The following PRKG1 variants were observed in gnomAD, a reference collection of about 807,000 sequenced individuals.
PRKG1 encodes the protein cGMP-dependent protein kinase 1.
PRKG1 carries 35 observed loss-of-function variants against 88.1 expected under a neutral mutation model. That is an observed-to-expected ratio of 0.40 (90% CI 0.30 to 0.53). PRKG1 has a LOEUF of 0.53. Ranked by LOEUF, PRKG1 falls within the 20% of genes least tolerant of loss-of-function variation. The pLI, the probability that PRKG1 is intolerant of heterozygous loss-of-function variation, is 0.59. For synonymous variants in PRKG1, 303 were observed against 292.5 expected (o/e 1.04, Z -0.37); for missense variants, 540 against 839.8 (o/e 0.64, Z 4.41).
At chr10:51,496,253 A>T (rs1840850455) in intron 3 of PRKG1, among the ~76,000 whole-genome samples, 1 of 152,170 alleles carries the variant, frequency 6.6e-6, no homozygotes, top group African/African-American at 2.4e-5. Context: ...GGAAGAATAG[A>T]GAGGTTCATT....
intron 2 of PRKG1, among the ~76,000 whole-genome samples, chr10:51,178,708 T>G (rs1460151353): frequency 6.6e-6 from 1 of 152,132 alleles, no homozygotes; most frequent in East Asian, 1.9e-4. Context: ...GTTTATACTG[T>G]GGTGGAAGTT....
chr10:51,606,334 C>T (rs77206664), intron 3 of PRKG1, among the ~76,000 whole-genome samples: 2,459 of 152,306 alleles, frequency 0.016, 27 homozygotes, highest in Non-Finnish European at 0.024. Context: ...AAACTGGTAA[C>T]TCTTTCTGAG....
intron 7 of PRKG1, among the ~76,000 whole-genome samples, chr10:52,068,876 C>G (rs954284239): frequency 1.3e-5 from 2 of 152,212 alleles, no homozygotes; most frequent in African/African-American, 4.8e-5. Flanking sequence ...GTCATAGCTT[C>G]TGGTTCTCTG....
intron 3 of PRKG1, among the ~76,000 whole-genome samples, chr10:51,687,279 A>G (rs1418322309): frequency 6.6e-6 from 1 of 152,244 alleles, no homozygotes; most frequent in Non-Finnish European, 1.5e-5. Flanking sequence ...ACCATTTCCA[A>G]TACATTTACT....
At position 51,566,800 on chromosome 10, in the gene PRKG1, T is replaced by C. The variant is rs112954301; in HGVS notation, c.592+98964T>C. On this transcript the variant is annotated intron_variant, in intron 3 of 17. Transcript: ENST00000373980. Reference sequence around the variant, plus strand: ...ATATGGAAATGAGAAGCAGTCATTGTCCTGTGATCACTGATTGTTCTTTTA... The same window carrying C: ...ATATGGAAATGAGAAGCAGTCATTGCCCTGTGATCACTGATTGTTCTTTTA... Among the ~76,000 whole-genome samples the C allele has an allele frequency of 5.2e-3, 791 of 152,140 alleles. 8 individuals carry two copies. Among genetic ancestry groups the C allele is most frequent in the African/African-American group, 0.018 (755 of 41,534 alleles).
intron 1 of PRKG1, among the ~76,000 whole-genome samples, chr10:51,132,013 G>T (rs950060296): frequency 6.6e-6 from 1 of 151,992 alleles, no homozygotes; most frequent in African/African-American, 2.4e-5. Context: ...AAGCTTAAAA[G>T]AATCTATTCC....
intron 3 of PRKG1, among the ~76,000 whole-genome samples, chr10:51,627,935 TTC>T (rs1564579564): frequency 0.052 from 1,322 of 25,340 alleles, 39 homozygotes; most frequent in Middle Eastern, 0.11. Context: ...CCTTTCTTCC[TTC>T]CTTCCTTTCT....
intron 2 of PRKG1, among the ~76,000 whole-genome samples, chr10:51,229,238 C>A (rs935521514): frequency 6.6e-6 from 1 of 152,110 alleles, no homozygotes; most frequent in Non-Finnish European, 1.5e-5. Flanking sequence ...GGTAAAGCAC[C>A]ATACCTGGCA....
chr10:51,092,641 T>C (rs569274388), intron 1 of PRKG1, among the ~76,000 whole-genome samples: 2 of 152,322 alleles, frequency 1.3e-5, no homozygotes, highest in South Asian at 4.1e-4. Context: ...AATCTGTTGC[T>C]TATTCAGCAG....
chr10:51,149,749 C>T (rs1846020603), intron 1 of PRKG1, among the ~76,000 whole-genome samples: 1 of 152,012 alleles, frequency 6.6e-6, no homozygotes, highest in Non-Finnish European at 1.5e-5. Flanking sequence ...GTAAGATCTG[C>T]TTGTTAATTT....
rs902311842 is a variant in PRKG1 at position 51,199,938 on chromosome 10, G to C, written c.478+46608G>C. ...CACTCCTCAAGTGACCCTAATGCAAGAGAGCTGTTTCTTCTTGGATTCTCT... is the reference window on the plus strand; with the variant it reads ...CACTCCTCAAGTGACCCTAATGCAACAGAGCTGTTTCTTCTTGGATTCTCT... On this transcript the variant is annotated intron_variant, in intron 2 of 17. Coordinates refer to ENST00000373980, the MANE Select transcript of PRKG1 (RefSeq NM_006258.4). 3.3e-5 allele frequency among the ~76,000 whole-genome samples: 5 copies of C among 152,160 alleles called. No homozygotes were observed. In the East Asian group the frequency reaches 9.6e-4, roughly 29 times the overall value.
intron 3 of PRKG1, among the ~76,000 whole-genome samples, chr10:51,666,163 G>A (rs1017558927): frequency 2.6e-5 from 4 of 152,138 alleles, no homozygotes; most frequent in African/African-American, 4.8e-5. Flanking sequence ...GGTGACATCC[G>A]TATTATGTGT....
intron 5 of PRKG1, among the ~76,000 whole-genome samples, chr10:52,051,351 GT>G (rs1845983839): frequency 6.6e-6 from 1 of 152,140 alleles, no homozygotes; most frequent in Admixed American, 6.5e-5. Flanking sequence ...TTTCTGAGGT[GT>G]TTTTAACCTG....
intron 3 of PRKG1, among the ~76,000 whole-genome samples, chr10:51,744,501 C>T (rs1476273513): frequency 6.6e-6 from 1 of 152,202 alleles, no homozygotes; most frequent in Non-Finnish European, 1.5e-5. Context: ...TCTCAGTCTC[C>T]TACCCTATTT....
intron 9 of PRKG1, among the ~76,000 whole-genome samples, chr10:52,166,880 TACAC>T (rs143459696): frequency 0.032 from 3,856 of 121,900 alleles, 178 homozygotes; most frequent in East Asian, 0.22. Flanking sequence ...TGTGTATGTA[TACAC>T]ACACACACAC....
chr10:51,042,380 T>A (rs1444603770), intron 1 of PRKG1, among the ~76,000 whole-genome samples: 1 of 152,226 alleles, frequency 6.6e-6, no homozygotes, highest in Non-Finnish European at 1.5e-5. Context: ...CCCTAATTTC[T>A]TATTATGACC....
chr10:52,221,842 G>A (rs1255334316), intron 9 of PRKG1, among the ~76,000 whole-genome samples: 1 of 152,174 alleles, frequency 6.6e-6, no homozygotes, highest in East Asian at 1.9e-4. Context: ...AGCCTTATTT[G>A]TTAGTAAAAA....
intron 1 of PRKG1, among the ~76,000 whole-genome samples, chr10:50,993,733 A>C (rs1369966851): frequency 6.6e-6 from 1 of 152,252 alleles, no homozygotes; most frequent in East Asian, 1.9e-4. Context: ...TGGAGGGGAC[A>C]GGAGAAAAGC....
intron 2 of PRKG1, among the ~76,000 whole-genome samples, chr10:51,416,898 T>A (rs1481638785): frequency 1.3e-5 from 2 of 152,128 alleles, no homozygotes; most frequent in African/African-American, 4.8e-5. Context: ...TAAAAACATA[T>A]TGTTAGCAAA....
Sources: allele counts gnomAD v4.1 joint callset (sites outside exome capture counted in the v4.1 genomes callset), GRCh38; gene constraint gnomAD v4.1.1; transcripts MANE v1.5; gene names NCBI Gene and HGNC (gene_info 2026-07-23, HGNC 2026-07-21).